SMC1A: variants seen among roughly 807,000 people sequenced by gnomAD.
SMC1A encodes structural maintenance of chromosomes protein 1A.
A neutral mutation model predicts 94.5 loss-of-function variants in SMC1A; 4 were observed. The ratio of observed to expected loss-of-function variants is 0.04; its 90% confidence interval spans 0.02 to 0.10. The LOEUF (loss-of-function observed/expected upper bound fraction) is 0.10, where lower values mean the gene tolerates loss of function less well. Among genes scored for constraint, SMC1A ranks in the 10% least tolerant of loss-of-function variants. The pLI is 1.00. For missense variants in SMC1A, 304 were observed against 989.0 expected (o/e 0.31, Z 9.29); for synonymous variants, 345 against 347.7 (o/e 0.99, Z 0.09).
intron 19 of SMC1A, among the ~76,000 whole-genome samples, chrX:53,389,571 A>G (rs1338073902): frequency 9.0e-6 from 1 of 110,551 alleles, no homozygotes; most frequent in South Asian, 3.9e-4. Flanking sequence ...TCTACTAAAA[A>G]TACAAACAAT....
rs782252729 is a variant in SMC1A at position 53,414,881 on chromosome X, A to G, written c.299-11T>C. 9.2e-6 allele frequency: 11 copies of G among 1,189,276 alleles called. No individual in the cohort carries two copies. The highest frequency in any genetic ancestry group is 1.3e-5 in the Non-Finnish European group (11 of 876,553). The stretch of plus-strand genomic sequence containing the variant: ...ACTCAGAAGAACCTCCTACAAGACA[A>G]TGCATGAGTTGGCAAGGGTCAGGCC... On this transcript the variant is annotated splice_polypyrimidine_tract_variant and intron_variant, in intron 2 of 24. Coordinates refer to ENST00000322213, the MANE Select transcript of SMC1A (RefSeq NM_006306.4).
chrX:53,422,462 T>A (rs782263176), intron 1 of SMC1A, 30 bp downstream of exon 1: 1 of 1,006,835 alleles, frequency 9.9e-7, no homozygotes, highest in Non-Finnish European at 1.4e-6. Flanking sequence ...GGCCGGGACG[T>A]GCGCAGGGCC....
rs1890729439 is a variant in SMC1A, at chrX:53,375,111, G to A, written c.*4992C>T. 1 of 112,527 alleles carries A rather than the reference G, an allele frequency of 8.9e-6. No homozygotes were observed. The highest frequency in any genetic ancestry group is 3.2e-5 in the African/African-American group (1 of 30,944). The allele number at this position is 112,527 out of a possible 1,213,427, so 9.3% of individuals were successfully genotyped here. ...CATGGTACAGAGCATGGCAACTTAT[G>A]CTAAGGAAACCCCTTAGAAGGGACT... On this transcript the variant is annotated 3_prime_UTR_variant, in exon 25 of 25. Coordinates refer to ENST00000322213, the MANE Select transcript of SMC1A (RefSeq NM_006306.4).
rs2075709344 is a variant in SMC1A at position 53,410,926 on chromosome X, C to CAAAAAGAAAAAAAAAAAAAAAAAA, written c.1254+834_1254+835insTTTTTTTTTTTTTTTTTTCTTTTT. 6.9e-5 allele frequency among the ~76,000 whole-genome samples: 2 copies of CAAAAAGAAAAAAAAAAAAAAAAAA among 28,815 alleles called. 1 individual carries two copies. Among genetic ancestry groups the CAAAAAGAAAAAAAAAAAAAAAAAA allele is most frequent in the African/African-American group, 3.7e-4 (2 of 5,357 alleles). The allele number at this position is 28,815 out of a possible 115,157, so 25.0% of individuals were successfully genotyped here. A position where few individuals can be genotyped will look rare whatever the true frequency, so the allele number is the denominator to read the frequency against. On this transcript the variant is annotated intron_variant, in intron 7 of 24. Transcript: ENST00000322213. ...TGGGCAACAGAGTGAGGCTTTGTCT[C>CAAAAAGAAAAAAAAAAAAAAAAAA]AAAAAAAAAAAAAAAAAAAGTAGCC...
intron 13 of SMC1A, 104 bp downstream of exon 13, chrX:53,404,908 T>C (rs1469863257): frequency 9.4e-6 from 9 of 956,124 alleles, no homozygotes; most frequent in Non-Finnish European, 1.3e-5. Flanking sequence ...TGCGGCAGGC[T>C]GGGAGGAGAC....
intron 24 of SMC1A, 106 bp downstream of exon 24, chrX:53,380,514 T>C: frequency 1.8e-6 from 1 of 570,336 alleles, no homozygotes; most frequent in South Asian, 2.5e-5. Flanking sequence ...CAGGACCTGA[T>C]TCCCTATGCT....
chrX:53,396,475 T>C lies in SMC1A; in HGVS notation c.2705A>G (p.Asn902Ser), dbSNP rs144664375. The change falls in exon 17 of 25, where the codon AAC becomes AGC. Residue 902 changes from asparagine to serine, a missense_variant. Coordinates refer to ENST00000322213, the MANE Select transcript of SMC1A (RefSeq NM_006306.4). ...EEIRKKLGGA[N>S]KEMTHLQKEV... ...CCCCAGGCCTGAACCCACTCACTTG[T>C]TGGCGCCCCCGAGTTTCTTACGAAT... 5.8e-6 allele frequency: 7 copies of C among 1,209,205 alleles called. No homozygotes were observed. Among genetic ancestry groups the C allele is most frequent in the African/African-American group, 5.3e-5 (3 of 56,984 alleles).
At chrX:53,389,085 C>G (rs2075616945) in intron 19 of SMC1A, among the ~76,000 whole-genome samples, 1 of 104,885 alleles carries the variant, frequency 9.5e-6, no homozygotes, top group South Asian at 4.3e-4. Flanking sequence ...TACCCACTTA[C>G]AAGAACTACA....
chrX:53,410,233 G>A lies in SMC1A; in HGVS notation c.1255-730C>T, dbSNP rs1299018127. On this transcript the variant is annotated intron_variant, in intron 7 of 24. Transcript: ENST00000322213. ...TGAGTGGCCGGGCACGGTGGCTCGC[G>A]CCTGTAATCCCAACACTTTGGGAGG... 3.6e-5 allele frequency among the ~76,000 whole-genome samples: 4 copies of A among 111,701 alleles called. No homozygotes were observed. The Admixed American group carries it at 3.8e-4, about 11-fold the overall frequency.
intron 19 of SMC1A, among the ~76,000 whole-genome samples, 187 bp downstream of exon 19, chrX:53,394,591 T>C (rs1207865988): frequency 1.8e-5 from 2 of 110,582 alleles, no homozygotes; most frequent in African/African-American, 3.3e-5. Flanking sequence ...ATATGTCTGT[T>C]TGAATATATG....
intron 9 of SMC1A, among the ~76,000 whole-genome samples, chrX:53,408,815 T>C (rs1479459667): frequency 2.2e-5 from 2 of 92,371 alleles, no homozygotes; most frequent in East Asian, 6.6e-4. Context: ...AAGAACATGA[T>C]TGCCTAGTAT....
chrX:53,417,803 TA>T (rs1181682154), intron 1 of SMC1A, among the ~76,000 whole-genome samples: 1 of 111,784 alleles, frequency 8.9e-6, no homozygotes, highest in Non-Finnish European at 1.9e-5. Flanking sequence ...CTGAAGCACT[TA>T]GGGGTGAAAT....
At chrX:53,384,832 C>T (rs1228652150) in intron 19 of SMC1A, among the ~76,000 whole-genome samples, 1 of 110,491 alleles carries the variant, frequency 9.1e-6, no homozygotes, top group Non-Finnish European at 1.9e-5. Context: ...GTGGTCCCAG[C>T]TCCTTGGGAG....
chrX:53,380,696 T>G lies in SMC1A; in HGVS notation c.3542A>C (p.Asn1181Thr). Reference sequence around the variant, plus strand: ...GAGAGAGATGACGATGGCCTGGAAGTTGCAAGTCGACTGCTCCTTGATGTA... The same window carrying G: ...GAGAGAGATGACGATGGCCTGGAAGGTGCAAGTCGACTGCTCCTTGATGTA... Reference protein sequence around the residue: ...ANYIKEQSTCNFQAIVISLKE... With the variant: ...ANYIKEQSTCTFQAIVISLKE... Residue 1181 changes from asparagine (N) to threonine (T), a missense_variant, in exon 24 of 25, where the codon AAC becomes ACC. Around this residue, in one of 11 missense-constraint regions of SMC1A, gnomAD observed 24 missense variants for 43.5 expected, o/e 0.55. Coordinates refer to ENST00000322213, the MANE Select transcript of SMC1A (RefSeq NM_006306.4). 1 of 1,210,277 alleles carries G rather than the reference T, an allele frequency of 8.3e-7. No homozygotes were observed. Among genetic ancestry groups the G allele is most frequent in the Non-Finnish European group, 1.1e-6 (1 of 894,283 alleles).
chrX:53,414,447 G>A (rs985301679), intron 3 of SMC1A, among the ~76,000 whole-genome samples: 2 of 112,089 alleles, frequency 1.8e-5, no homozygotes, highest in African/African-American at 6.5e-5. Context: ...CTGAGAATGT[G>A]CATTTTCTAA....
Position 53,410,341 on chromosome X carries a change from A to T in SMC1A, c.1255-838T>A, listed in dbSNP as rs781986974. Among the ~76,000 whole-genome samples the T allele has an allele frequency of 9.0e-4, 99 of 110,425 alleles. No individual in the cohort carries two copies. The Middle Eastern group carries it at 0.014, about 16-fold the overall frequency. ...CAGAAACCCTGACTCTATAAAAATT[A>T]AAAAATTAGGAGGCCGAGGCGGGCG... On this transcript the variant is annotated intron_variant, in intron 7 of 24. Transcript: ENST00000322213.
chrX:53,410,732 CAG>C (rs2075707972), intron 7 of SMC1A, among the ~76,000 whole-genome samples: 1 of 105,763 alleles, frequency 9.5e-6, no homozygotes, highest in South Asian at 4.3e-4. Context: ...ACTTGGGAGA[CAG>C]AGGTTGTAGT....
At chrX:53,381,211 A>C in intron 22 of SMC1A, 124 bp from the exon 23 acceptor site, 2 of 471,067 alleles carry the variant, frequency 4.2e-6, no homozygotes, top group Non-Finnish European at 7.5e-6. Flanking sequence ...AAACTAAAAA[A>C]CCCAGGTCTC....
At position 53,376,557 on chromosome X, in the gene SMC1A, C is replaced by CA. The variant is rs782367429; in HGVS notation, c.*3545dup. 8.9e-6 allele frequency: 1 copy of CA among 111,973 alleles called. No individual in the cohort carries two copies. The highest frequency in any genetic ancestry group is 3.8e-4 in the South Asian group (1 of 2,653). The allele number at this position is 111,973 out of a possible 1,213,427, so 9.2% of individuals were successfully genotyped here. The stretch of plus-strand genomic sequence containing the variant: ...CTACCTTTTCTTGCTGCTTTCCCCC[C>CA]ACCCCAGGAATCTTCATGCTTCAGT... On this transcript the variant is annotated 3_prime_UTR_variant, in exon 25 of 25. Coordinates refer to ENST00000322213, the MANE Select transcript of SMC1A (RefSeq NM_006306.4).
Sources: allele counts gnomAD v4.1 joint callset (sites outside exome capture counted in the v4.1 genomes callset), GRCh38; gene constraint gnomAD v4.1.1; regional missense constraint gnomAD v4.1.1; transcripts MANE v1.5; gene names NCBI Gene and HGNC (gene_info 2026-07-23, HGNC 2026-07-21).